The following NUBPL variants were observed in gnomAD, a reference collection of about 807,000 sequenced individuals.
The protein encoded by NUBPL is NUBP iron-sulfur cluster assembly factor, mitochondrial, also known as iron-sulfur cluster transfer protein NUBPL.
Under a neutral mutation model 45.7 loss-of-function variants are expected in NUBPL, and 31 were observed. The observed-to-expected ratio is 0.68, with a 90% CI of 0.51 to 0.92. The LOEUF is 0.92. Among genes scored for constraint, NUBPL ranks in the 40% least tolerant of loss-of-function variants. The pLI, the probability that NUBPL is intolerant of heterozygous loss-of-function variation, is 0.00. For missense variants in NUBPL, 401 were observed against 398.7 expected (o/e 1.01, Z -0.05); for synonymous variants, 144 against 140.9 (o/e 1.02, Z -0.15).
chr14:31,622,214 G>A (rs1435689254), intron 4 of NUBPL, among the ~76,000 whole-genome samples: 25 of 152,188 alleles, frequency 1.6e-4, no homozygotes, highest in Non-Finnish European at 3.7e-4. Flanking sequence ...AAGCAGCAAA[G>A]CATTCAAGAT....
intron 4 of NUBPL, among the ~76,000 whole-genome samples, chr14:31,672,598 G>A (rs1443971266): frequency 6.6e-6 from 1 of 152,056 alleles, no homozygotes; most frequent in Non-Finnish European, 1.5e-5. Context: ...GAATAGCTGG[G>A]ACTATAGGCG....
At chr14:31,815,701 A>T (rs2082167) in intron 7 of NUBPL, among the ~76,000 whole-genome samples, 2 of 151,870 alleles carry the variant, frequency 1.3e-5, no homozygotes, top group Non-Finnish European at 2.9e-5. Flanking sequence ...TTATTTTGAG[A>T]TACATTCCAT....
intron 8 of NUBPL, among the ~76,000 whole-genome samples, chr14:31,834,203 A>C: frequency 1.8e-5 from 1 of 55,880 alleles, no homozygotes; most frequent in African/African-American, 1.1e-4. Flanking sequence ...TTTTTTTGAG[A>C]CAGAGTCTTG....
At chr14:31,849,773 G>C (rs1341927149) in intron 9 of NUBPL, among the ~76,000 whole-genome samples, 1 of 152,034 alleles carries the variant, frequency 6.6e-6, no homozygotes, top group East Asian at 1.9e-4. Flanking sequence ...TATGTGGCAT[G>C]ATGTGTCTAT....
chr14:31,784,693 A>G (rs949563376), intron 6 of NUBPL, among the ~76,000 whole-genome samples: 1 of 151,898 alleles, frequency 6.6e-6, no homozygotes, highest in African/African-American at 2.4e-5. Flanking sequence ...TTTTCAAGCC[A>G]AAGAACCCTG....
chr14:31,577,887 A>C, intron 3 of NUBPL: 1 of 1,114,834 alleles, frequency 9.0e-7, no homozygotes, highest in Non-Finnish European at 1.2e-6. Context: ...AGTGGTTTCA[A>C]GTAATGTCAT....
At chr14:31,843,921 G>C (rs2040414202) in intron 8 of NUBPL, 1 of 152,156 alleles carries the variant, frequency 6.6e-6, no homozygotes, top group Non-Finnish European at 1.5e-5. Flanking sequence ...TCCAATTACA[G>C]TACAAGCTCC....
intron 3 of NUBPL, among the ~76,000 whole-genome samples, chr14:31,566,694 T>A (rs757373267): frequency 3.3e-5 from 5 of 152,032 alleles, no homozygotes; most frequent in Non-Finnish European, 5.9e-5. Flanking sequence ...ACCAGCAAAA[T>A]TAAAGATCTT....
At chr14:31,601,592 A>G (rs1474144580) in intron 4 of NUBPL, among the ~76,000 whole-genome samples, 2 of 152,224 alleles carry the variant, frequency 1.3e-5, no homozygotes, top group Non-Finnish European at 2.9e-5. Context: ...ATGAACAGAC[A>G]CTTCTCAAAA....
At chr14:31,798,648 C>T (rs1025526968) in intron 7 of NUBPL, among the ~76,000 whole-genome samples, 15 of 151,220 alleles carry the variant, frequency 9.9e-5, no homozygotes, top group Non-Finnish European at 2.2e-4. Context: ...AAAAATTAGC[C>T]GGGCATAGTG....
At chr14:31,618,995 G>A (rs143102694) in intron 4 of NUBPL, among the ~76,000 whole-genome samples, 32 of 152,256 alleles carry the variant, frequency 2.1e-4, no homozygotes, top group Non-Finnish European at 1.2e-4. Context: ...TATATAGTTA[G>A]GATAGTTAGC....
intron 3 of NUBPL, among the ~76,000 whole-genome samples, chr14:31,575,991 A>C (rs974165932): frequency 6.6e-6 from 1 of 152,240 alleles, no homozygotes; most frequent in Admixed American, 6.5e-5. Flanking sequence ...ATTTGAATTC[A>C]CACATTTCAT....
chr14:31,707,569 G>A (rs1184817029), intron 6 of NUBPL, among the ~76,000 whole-genome samples: 1 of 152,186 alleles, frequency 6.6e-6, no homozygotes, highest in Non-Finnish European at 1.5e-5. Flanking sequence ...GGGATCCATA[G>A]TCAGCAAACG....
At chr14:31,648,674 G>A (rs1485424777) in intron 4 of NUBPL, among the ~76,000 whole-genome samples, 1 of 152,174 alleles carries the variant, frequency 6.6e-6, no homozygotes, top group Non-Finnish European at 1.5e-5. Flanking sequence ...CATTAACTAT[G>A]ATCACATTTG....
At chr14:31,784,818 A>G (rs1262261385) in intron 6 of NUBPL, among the ~76,000 whole-genome samples, 1 of 152,208 alleles carries the variant, frequency 6.6e-6, no homozygotes, top group Non-Finnish European at 1.5e-5. Context: ...ACAAATCAAC[A>G]TATAATGTCA....
In NUBPL at chr14:31,562,178, T is replaced by C. The variant is rs775174512; in HGVS notation, c.219T>C (p.Ala73=). The C allele has an allele frequency of 6.2e-7, 1 of 1,614,114 alleles. No individual in the cohort carries two copies. The highest frequency in any genetic ancestry group is 8.5e-7 in the Non-Finnish European group (1 of 1,179,972). The change falls in exon 2 of 11, where the codon GCT becomes GCC. Residue 73 remains alanine, a synonymous_variant. Transcript: ENST00000281081. ...IEGVKQVIVV[A]SGKGGVGKST... ...GTGTTAAACAAGTTATAGTTGTGGC[T>C]TCTGGAAAGGGTGGAGTCGGAAAAT...
chr14:31,745,541 G>A (rs746739741), intron 6 of NUBPL, among the ~76,000 whole-genome samples: 3 of 152,056 alleles, frequency 2.0e-5, no homozygotes, highest in Non-Finnish European at 4.4e-5. Context: ...TGATCCACCC[G>A]CCTTGGCCTC....
intron 6 of NUBPL, among the ~76,000 whole-genome samples, chr14:31,753,728 C>G (rs1187105608): frequency 6.6e-6 from 1 of 152,132 alleles, no homozygotes; most frequent in East Asian, 1.9e-4. Flanking sequence ...AGCTTCCTAT[C>G]CCGGGCTCAG....
chr14:31,681,630 G>A (rs1408331547), intron 6 of NUBPL, among the ~76,000 whole-genome samples: 1 of 151,702 alleles, frequency 6.6e-6, no homozygotes, highest in African/African-American at 2.4e-5. Flanking sequence ...CTTAAGGTAG[G>A]CAGTTAAATA....
Sources: allele counts gnomAD v4.1 joint callset (sites outside exome capture counted in the v4.1 genomes callset), GRCh38; gene constraint gnomAD v4.1.1; transcripts MANE v1.5; gene names NCBI Gene and HGNC (gene_info 2026-07-23, HGNC 2026-07-21).